SGMS1: variants seen among roughly 807,000 people sequenced by gnomAD.
SGMS1 encodes phosphatidylcholine:ceramide cholinephosphotransferase 1.
In SGMS1, 13 loss-of-function variants were observed where a neutral mutation model predicts 46.2. The ratio of observed to expected loss-of-function variants is 0.28; its 90% CI spans 0.18 to 0.45. SGMS1 has a LOEUF of 0.45. SGMS1 is among the 20% of genes least tolerant of loss of function. The probability of loss-of-function intolerance (pLI) is 1.00; values close to 1 mark genes in which losing one functional copy is unlikely to be tolerated. For missense variants in SGMS1, 324 were observed against 519.9 expected (o/e 0.62, Z 3.66); for synonymous variants, 203 against 187.8 (o/e 1.08, Z -0.66).
chr10:50,355,423 C>T (rs935525576), intron 6 of SGMS1, among the ~76,000 whole-genome samples: 4 of 152,160 alleles, frequency 2.6e-5, no homozygotes, highest in Non-Finnish European at 5.9e-5. Flanking sequence ...TGCAGGCGCG[C>T]GCCACCACGC....
intron 1 of SGMS1, 52 bp downstream of exon 1, chr10:50,623,655 A>T: frequency 1.0e-6 from 1 of 985,176 alleles, no homozygotes; most frequent in Non-Finnish European, 1.2e-6. Flanking sequence ...CAGGTGTCCG[A>T]TCGGCCCCCG....
intron 6 of SGMS1, among the ~76,000 whole-genome samples, chr10:50,392,413 A>G (rs1374500175): frequency 6.6e-6 from 1 of 152,194 alleles, no homozygotes; most frequent in East Asian, 1.9e-4. Context: ...ATTTGAGTCC[A>G]TTTCTTCTAA....
intron 3 of SGMS1, among the ~76,000 whole-genome samples, chr10:50,480,461 G>A (rs1172257682): frequency 6.6e-6 from 1 of 152,028 alleles, no homozygotes; most frequent in Non-Finnish European, 1.5e-5. Context: ...CACTGGGACT[G>A]ACTAGGTAGT....
intron 2 of SGMS1, among the ~76,000 whole-genome samples, chr10:50,586,340 C>T (rs1588884793): frequency 6.6e-6 from 1 of 152,200 alleles, no homozygotes; most frequent in South Asian, 2.1e-4. Context: ...ATTTCAGTCA[C>T]GTTACCAGCC....
intron 2 of SGMS1, among the ~76,000 whole-genome samples, chr10:50,563,168 G>A (rs897090587): frequency 1.3e-5 from 2 of 152,274 alleles, no homozygotes; most frequent in South Asian, 4.1e-4. Context: ...TAGTGCCTGT[G>A]GCAGTACAAG....
At chr10:50,461,806 CA>C (rs1837269405) in intron 4 of SGMS1, among the ~76,000 whole-genome samples, 2 of 152,310 alleles carry the variant, frequency 1.3e-5, no homozygotes, top group Middle Eastern at 6.8e-3. Context: ...CCACTACTCT[CA>C]ATAGTCCCAA....
intron 8 of SGMS1, among the ~76,000 whole-genome samples, chr10:50,322,902 T>C (rs1847473131): frequency 6.6e-6 from 1 of 150,978 alleles, no homozygotes; most frequent in Admixed American, 6.6e-5. Flanking sequence ...ACACACGGTC[T>C]TTGGAGCTAT....
intron 6 of SGMS1, among the ~76,000 whole-genome samples, chr10:50,363,414 A>G (rs1848285643): frequency 2.0e-5 from 3 of 152,206 alleles, no homozygotes; most frequent in South Asian, 2.1e-4. Context: ...GGTGGCATCA[A>G]GTACCTTGGA....
chr10:50,310,409 C>T (rs534849804), intron 9 of SGMS1, among the ~76,000 whole-genome samples: 1 of 152,282 alleles, frequency 6.6e-6, no homozygotes, highest in Admixed American at 6.5e-5. Context: ...TCATTTCTAG[C>T]ACTGTAATAT....
At chr10:50,610,227 C>G (rs1444119272) in intron 1 of SGMS1, among the ~76,000 whole-genome samples, 1 of 152,176 alleles carries the variant, frequency 6.6e-6, no homozygotes, top group African/African-American at 2.4e-5. Context: ...TGCCTCACCC[C>G]CTTTTACCTA....
At chr10:50,340,899 C>G (rs1589393341) in intron 7 of SGMS1, among the ~76,000 whole-genome samples, 1 of 152,268 alleles carries the variant, frequency 6.6e-6, no homozygotes. Context: ...GAAGGATAGA[C>G]TGATTTTTTA....
At chr10:50,526,863 G>A (rs557282261) in intron 2 of SGMS1, among the ~76,000 whole-genome samples, 23 of 152,002 alleles carry the variant, frequency 1.5e-4, no homozygotes, top group South Asian at 6.2e-4. Flanking sequence ...TCAAGAGATC[G>A]AGACCATCCT....
chr10:50,525,980 G>A (rs932305952), intron 2 of SGMS1, among the ~76,000 whole-genome samples: 9 of 152,144 alleles, frequency 5.9e-5, no homozygotes, highest in Admixed American at 3.3e-4. Context: ...CAGAAGTTGC[G>A]ATAATAATCA....
At chr10:50,455,706 T>C (rs932792864) in intron 5 of SGMS1, among the ~76,000 whole-genome samples, 3 of 152,012 alleles carry the variant, frequency 2.0e-5, no homozygotes, top group Non-Finnish European at 4.4e-5. Flanking sequence ...TTTAAATGAG[T>C]CTAGAAATAG....
In SGMS1 at chr10:50,362,922, G is replaced by C. The variant is rs563228795; in HGVS notation, c.-231-18577C>G. 5.1e-4 allele frequency among the ~76,000 whole-genome samples: 77 copies of C among 152,178 alleles called. No individual in the cohort carries two copies. In the Middle Eastern group the frequency reaches 0.01, roughly 20 times the overall value. Reference sequence around the variant, plus strand: ...AAGAGAGAGCAACATGTTAAAAGCAGATCAAAAGAGGAAGTGAAATCAGCA... The same window carrying C: ...AAGAGAGAGCAACATGTTAAAAGCACATCAAAAGAGGAAGTGAAATCAGCA... On this transcript the variant is annotated intron_variant, in intron 6 of 10. Coordinates refer to ENST00000361781, the MANE Select transcript of SGMS1 (RefSeq NM_147156.4).
intron 8 of SGMS1, among the ~76,000 whole-genome samples, chr10:50,326,057 G>C (rs1313873432): frequency 6.6e-6 from 1 of 152,078 alleles, no homozygotes; most frequent in Admixed American, 6.5e-5. Flanking sequence ...AGAGTGCAGG[G>C]AGGCAGGATG....
At chr10:50,525,922 C>T (rs987147626) in intron 2 of SGMS1, among the ~76,000 whole-genome samples, 2 of 152,308 alleles carry the variant, frequency 1.3e-5, no homozygotes, top group South Asian at 4.1e-4. Context: ...ATTATTAAAA[C>T]GTAGAACTCT....
intron 6 of SGMS1, among the ~76,000 whole-genome samples, chr10:50,419,253 A>G (rs1356082692): frequency 6.6e-6 from 1 of 152,204 alleles, no homozygotes; most frequent in Non-Finnish European, 1.5e-5. Context: ...TAGGCACTCA[A>G]AAAATGCTGT....
intron 3 of SGMS1, among the ~76,000 whole-genome samples, chr10:50,500,791 G>A (rs764695291): frequency 6.6e-6 from 1 of 152,124 alleles, no homozygotes; most frequent in African/African-American, 2.4e-5. Flanking sequence ...CCAGAGACAT[G>A]GTTCAAAACA....
Sources: gnomAD v4.1 joint callset for allele counts (sites outside exome capture counted in the v4.1 genomes callset) on GRCh38, gnomAD v4.1.1 for gene constraint, MANE v1.5 for transcripts, NCBI Gene and HGNC (gene_info 2026-07-23, HGNC 2026-07-21) for gene names.